The following AGPAT1 variants were observed in gnomAD, a reference collection of about 807,000 sequenced individuals.
AGPAT1 encodes the protein 1-acyl-sn-glycerol-3-phosphate acyltransferase alpha.
A neutral mutation model predicts 31.2 loss-of-function variants in AGPAT1; 6 were observed. That is an observed-to-expected ratio of 0.19 (90% CI 0.11 to 0.38). AGPAT1 has a LOEUF of 0.38. AGPAT1 is among the 10% of genes least tolerant of loss of function. The pLI, the probability that AGPAT1 is intolerant of heterozygous loss-of-function variation, is 1.00. For synonymous variants in AGPAT1, 139 were observed against 154.0 expected (o/e 0.90, Z 0.72); for missense variants, 187 against 377.8 (o/e 0.49, Z 4.19).
rs905992565 is a variant in AGPAT1 at position 32,176,065 on chromosome 6, C to T, written c.-261G>A. The T allele has an allele frequency of 1.4e-6, 1 of 731,412 alleles. No individual in the cohort carries two copies. The highest frequency in any genetic ancestry group is 6.3e-5 in the South Asian group (1 of 15,760). The allele number at this position is 731,412 out of a possible 1,614,324, so 45.3% of individuals were successfully genotyped here. The stretch of plus-strand genomic sequence containing the variant: ...TCCCTTTCTGCTGTCTCTCTGAGGG[C>T]TGGGGCTGCTGCCGCCGCTATTCCC... On this transcript the variant is annotated 5_prime_UTR_variant, in exon 1 of 7. Coordinates refer to ENST00000375107, the MANE Select transcript of AGPAT1 (RefSeq NM_006411.4).
Position 32,173,037 on chromosome 6 carries a change from T to A in AGPAT1, c.-9-1532A>T, listed in dbSNP as rs1053969085. 2.6e-5 allele frequency: 4 copies of A among 152,064 alleles called. No homozygotes were observed. Among genetic ancestry groups the A allele is most frequent in the Non-Finnish European group, 4.4e-5 (3 of 68,016 alleles). The allele number at this position is 152,064 out of a possible 1,614,324, so 9.4% of individuals were successfully genotyped here. The stretch of plus-strand genomic sequence containing the variant: ...TGACACTTTGCGTGGGCAGGTACAG[T>A]GTGTGAGGCCTCACCAAGTGAAAAA... On this transcript the variant is annotated intron_variant, in intron 1 of 6. Transcript: ENST00000375107. The surrounding 1 kb of genome is among the most constrained non-coding windows in gnomAD (Gnocchi z 4.7).
rs1784996389 is a variant in AGPAT1 at position 32,170,555 on chromosome 6, C to T, written c.380G>A (p.Arg127His). ...GGCAGAGCCAGCCCACAGTAGCTCG[C>T]GCTTGGCAATGGGCACACAGCGGCC... ...LPGRCVPIAK[R>H]ELLWAGSAGL... Residue 127 changes from arginine (R) to histidine (H), a missense_variant, in exon 4 of 7, where the codon CGC becomes CAC. By Grantham distance (29) the Arg-to-His change is conservative. Coordinates refer to ENST00000375107, the MANE Select transcript of AGPAT1 (RefSeq NM_006411.4). The surrounding 1 kb of genome is among the most constrained non-coding windows in gnomAD (Gnocchi z 7.7). 8 of 1,612,832 alleles carry T rather than the reference C, an allele frequency of 5.0e-6. No homozygotes were observed. Among genetic ancestry groups the T allele is most frequent in the Non-Finnish European group, 6.8e-6 (8 of 1,180,032 alleles).
chr6:32,170,260 C>A lies in AGPAT1; in HGVS notation c.511G>T (p.Val171Leu), dbSNP rs777508622. ...EVAQTLLTQDVRVWVFPEGTR... is the reference protein window; with the variant it reads ...EVAQTLLTQDLRVWVFPEGTR... ...CCCTCAGGAAACACCCAGACCCTCA[C>A]CTGGGGGAGAAAGAGGGTCAAAGAA... is the stretch of plus-strand genomic sequence containing the variant. The change falls in exon 5 of 7, where the codon GTG (valine) becomes TTG (leucine). Residue 171 changes from valine (V) to leucine (L), a missense_variant and splice_region_variant. Around this residue, in one of 3 missense-constraint regions of AGPAT1, gnomAD observed 113 missense variants for 283.1 expected, o/e 0.40. Transcript: ENST00000375107. The surrounding 1 kb of genome is among the most constrained non-coding windows in gnomAD (Gnocchi z 7.7). 5.6e-6 allele frequency: 9 copies of A among 1,612,866 alleles called. No individual in the cohort carries two copies. The East Asian group carries it at 8.9e-5, about 16-fold the overall frequency.
rs1374739313 is a variant in AGPAT1, at chr6:32,169,180, CAAGG to C, written c.*92_*95del. The C allele has an allele frequency of 3.8e-6, 5 of 1,327,216 alleles. No homozygotes were observed. In the African/African-American group the frequency reaches 5.9e-5, roughly 16 times the overall value. The allele number at this position is 1,327,216 out of a possible 1,614,324, so 82.2% of individuals were successfully genotyped here. A position where few individuals can be genotyped will look rare whatever the true frequency, so the allele number is the denominator to read the frequency against. ...GGAGAATAAGTGGGGAGAGGGGAGA[CAAGG>C]AAGAGGGTTTGGCCCTGCTTCAGGG... is the stretch of plus-strand genomic sequence containing the variant. On this transcript the variant is annotated 3_prime_UTR_variant, in exon 7 of 7. Transcript: ENST00000375107. The surrounding 1 kb of genome is among the most constrained non-coding windows in gnomAD (Gnocchi z 5.9).
upstream of AGPAT1, among the ~76,000 whole-genome samples, chr6:32,176,345 A>G (rs1785555847): frequency 6.6e-6 from 1 of 151,414 alleles, no homozygotes; most frequent in African/African-American, 2.4e-5. Context: ...CTCCTTCCGC[A>G]CATTCCTTCC....
chr6:32,176,829 T>G (rs1785600150), upstream of AGPAT1: 1 of 394,038 alleles, frequency 2.5e-6, no homozygotes, highest in Non-Finnish European at 4.5e-6. Flanking sequence ...ACATCTTTTC[T>G]TCCAATGGAA....
In AGPAT1 at chr6:32,171,818, T is replaced by C. The variant is rs1785133068; in HGVS notation, c.-9-313A>G. 1.2e-5 allele frequency: 6 copies of C among 520,402 alleles called. No homozygotes were observed. Among genetic ancestry groups the C allele is most frequent in the African/African-American group, 1.9e-5 (1 of 52,594 alleles). The allele number at this position is 520,402 out of a possible 1,614,324, so 32.2% of individuals were successfully genotyped here. A position where few individuals can be genotyped will look rare whatever the true frequency, so the allele number is the denominator to read the frequency against. On this transcript the variant is annotated intron_variant, in intron 1 of 6. Transcript: ENST00000375107. This position sits in a 1 kb window ranked among gnomAD's most constrained non-coding sequence, Gnocchi z 6.9. The stretch of plus-strand genomic sequence containing the variant: ...GACAACAAGAATAATAGCTAACACT[T>C]GTAGCTGGTAAGGGTCTTATAATGG...
rs1785524590 is a variant in AGPAT1 at position 32,176,073 on chromosome 6, G to A, written c.-269C>T. On this transcript the variant is annotated 5_prime_UTR_variant, in exon 1 of 7. Coordinates refer to ENST00000375107, the MANE Select transcript of AGPAT1 (RefSeq NM_006411.4). ...TGCTGTCTCTCTGAGGGCTGGGGCT[G>A]CTGCCGCCGCTATTCCCCCGCCACC... 9.1e-6 allele frequency: 9 copies of A among 984,974 alleles called. No individual in the cohort carries two copies. Among genetic ancestry groups the A allele is most frequent in the Non-Finnish European group, 9.6e-6 (8 of 829,824 alleles). The allele number at this position is 984,974 out of a possible 1,614,324, so 61.0% of individuals were successfully genotyped here. A position where few individuals can be genotyped will look rare whatever the true frequency, so the allele number is the denominator to read the frequency against.
rs541114057 is a variant in AGPAT1 at position 32,169,099 on chromosome 6, G to C, written c.*177C>G. 2.8e-5 allele frequency: 19 copies of C among 679,462 alleles called. No individual in the cohort carries two copies. The African/African-American group carries it at 3.1e-4, about 11-fold the overall frequency. The allele number at this position is 679,462 out of a possible 1,614,324, so 42.1% of individuals were successfully genotyped here. A position where few individuals can be genotyped will look rare whatever the true frequency, so the allele number is the denominator to read the frequency against. On this transcript the variant is annotated 3_prime_UTR_variant, in exon 7 of 7. Transcript: ENST00000375107. This position sits in a 1 kb window ranked among gnomAD's most constrained non-coding sequence, Gnocchi z 5.9. ...CAAGAGTCCATGGATGGGGCCAAGA[G>C]GGGGCAGGAGTGGCGCTGTATCCAC...
In AGPAT1 at chr6:32,170,335, C is replaced by A; in HGVS notation, c.511-75G>T. On this transcript the variant is annotated intron_variant, in intron 4 of 6. Coordinates refer to ENST00000375107, the MANE Select transcript of AGPAT1 (RefSeq NM_006411.4). This position sits in a 1 kb window ranked among gnomAD's most constrained non-coding sequence, Gnocchi z 7.7. Reference sequence around the variant, plus strand: ...AATAGGTGTGATGTTATAATGGGACCTTTGAGGCCCACTGGCCCTGCATAT... The same window carrying A: ...AATAGGTGTGATGTTATAATGGGACATTTGAGGCCCACTGGCCCTGCATAT... The A allele has an allele frequency of 6.2e-7, 1 of 1,605,878 alleles. No homozygotes were observed. Among genetic ancestry groups the A allele is most frequent in the Non-Finnish European group, 8.5e-7 (1 of 1,173,294 alleles).
In AGPAT1 at chr6:32,169,502, G is replaced by A. The variant is rs765645740; in HGVS notation, c.680-54C>T. On this transcript the variant is annotated intron_variant, in intron 6 of 6. Transcript: ENST00000375107. The surrounding 1 kb of genome is among the most constrained non-coding windows in gnomAD (Gnocchi z 5.9). ...TGTCCACCCAGGTCTTTGCCCACAG[G>A]TGGGGCCCAGCTTCCGAGTGATACT... 243 of 1,590,172 alleles carry A rather than the reference G, an allele frequency of 1.5e-4. No homozygotes were observed. The highest frequency in any genetic ancestry group is 2.0e-4 in the Non-Finnish European group (237 of 1,164,788).
In AGPAT1 at chr6:32,175,933, A is replaced by T; in HGVS notation, c.-129T>A. Reference sequence around the variant, plus strand: ...GTGTCGGTGCCAAGGGGGCGACGGGATTTGGGGGTGTCCTAGCCCCGGCCG... The same window carrying T: ...GTGTCGGTGCCAAGGGGGCGACGGGTTTTGGGGGTGTCCTAGCCCCGGCCG... On this transcript the variant is annotated 5_prime_UTR_variant, in exon 1 of 7. Transcript: ENST00000375107. The surrounding 1 kb of genome is among the most constrained non-coding windows in gnomAD (Gnocchi z 4.5). The T allele has an allele frequency of 2.0e-6, 2 of 985,396 alleles. No homozygotes were observed. Among genetic ancestry groups the T allele is most frequent in the South Asian group, 9.4e-5 (2 of 21,324 alleles). 61.0% of individuals were successfully genotyped at this position (985,396 alleles called of 1,614,324 possible).
At position 32,170,457 on chromosome 6, in the gene AGPAT1, A is replaced by T; in HGVS notation, c.478T>A (p.Ser160Thr). Residue 160 changes from serine (S) to threonine (T), a missense_variant, in exon 4 of 7, where the codon TCT becomes ACT. Physicochemically the swap from Ser to Thr is moderately conservative, Grantham distance 58. Coordinates refer to ENST00000375107, the MANE Select transcript of AGPAT1 (RefSeq NM_006411.4). The surrounding 1 kb of genome is among the most constrained non-coding windows in gnomAD (Gnocchi z 7.7). ...KRTGDAISVM[S>T]EVAQTLLTQD... Reference sequence around the variant, plus strand: ...GTGAGCAGGGTCTGGGCGACCTCAGACATGACACTGATGGCATCCCCCGTG... The same window carrying T: ...GTGAGCAGGGTCTGGGCGACCTCAGTCATGACACTGATGGCATCCCCCGTG... 6.2e-7 allele frequency: 1 copy of T among 1,613,174 alleles called. No homozygotes were observed. Among genetic ancestry groups the T allele is most frequent in the Non-Finnish European group, 8.5e-7 (1 of 1,180,026 alleles).
At chr6:32,177,200 T>C, upstream of AGPAT1, 1 of 398,178 alleles carries the variant, frequency 2.5e-6, no homozygotes. Flanking sequence ...TTACATGCCC[T>C]CGGGAAGAGG....
chr6:32,174,881 A>G lies in AGPAT1; in HGVS notation c.-10+933T>C, dbSNP rs566926027. 4.6e-5 allele frequency among the ~76,000 whole-genome samples: 7 copies of G among 152,344 alleles called. No individual in the cohort carries two copies. The highest frequency in any genetic ancestry group is 1.7e-4 in the African/African-American group (7 of 41,574). On this transcript the variant is annotated intron_variant, in intron 1 of 6. Coordinates refer to ENST00000375107, the MANE Select transcript of AGPAT1 (RefSeq NM_006411.4). This position sits in a 1 kb window ranked among gnomAD's most constrained non-coding sequence, Gnocchi z 4.5. ...ACACATTCTATGGTCCTGTTACATC[A>G]GTGTATCATGCAAAGGCGCATACAC...
rs1330006904 is a variant in AGPAT1, at chr6:32,171,017, T to C, written c.254A>G (p.Glu85Gly). ...AGGGAAGTGGTGAGCCCCTCGCACC[T>C]CCACTCGGATCCCGTACAGGTATTT... is the stretch of plus-strand genomic sequence containing the variant. The part of the protein sequence containing the change: ...HIKYLYGIRV[E>G]VRGAHHFPPS... The change falls in exon 3 of 7, where the codon GAG becomes GGG. Residue 85 changes from glutamate (E) to glycine (G), a missense_variant. Glu to Gly is a moderately conservative substitution (Grantham distance 98, BLOSUM62 -2). Around this residue, in one of 3 missense-constraint regions of AGPAT1, gnomAD observed 113 missense variants for 283.1 expected, o/e 0.40. Coordinates refer to ENST00000375107, the MANE Select transcript of AGPAT1 (RefSeq NM_006411.4). This position sits in a 1 kb window ranked among gnomAD's most constrained non-coding sequence, Gnocchi z 6.9. 6.2e-7 allele frequency: 1 copy of C among 1,612,610 alleles called. No individual in the cohort carries two copies. Among genetic ancestry groups the C allele is most frequent in the Non-Finnish European group, 8.5e-7 (1 of 1,179,948 alleles).
At position 32,173,305 on chromosome 6, in the gene AGPAT1, C is replaced by A. The variant is rs1785259644; in HGVS notation, c.-9-1800G>T. Among the ~76,000 whole-genome samples the A allele has an allele frequency of 6.6e-6, 1 of 152,172 alleles. No homozygotes were observed. Among genetic ancestry groups the A allele is most frequent in the Non-Finnish European group, 1.5e-5 (1 of 68,028 alleles). The stretch of plus-strand genomic sequence containing the variant: ...GGGAAGGGCTATGCTCAAAGGTAAG[C>A]CTATTGCCAAGCGAGAAGGTAACAG... On this transcript the variant is annotated intron_variant, in intron 1 of 6. Transcript: ENST00000375107. The surrounding 1 kb of genome is among the most constrained non-coding windows in gnomAD (Gnocchi z 4.7).
rs978668902 is a variant in AGPAT1 at position 32,175,249 on chromosome 6, T to A, written c.-10+565A>T. ...ATTCTGATAGAAAATAACACACCAT[T>A]TCTACACAGCCTATGGATAGCATTG... On this transcript the variant is annotated intron_variant, in intron 1 of 6. Transcript: ENST00000375107. This position sits in a 1 kb window ranked among gnomAD's most constrained non-coding sequence, Gnocchi z 4.5. Among the ~76,000 whole-genome samples the A allele has an allele frequency of 2.0e-5, 3 of 152,000 alleles. No homozygotes were observed. Among genetic ancestry groups the A allele is most frequent in the Non-Finnish European group, 4.4e-5 (3 of 67,980 alleles).
chr6:32,171,236 A>C lies in AGPAT1; in HGVS notation c.200+61T>G. 1 of 1,611,496 alleles carries C rather than the reference A, an allele frequency of 6.2e-7. No individual in the cohort carries two copies. The highest frequency in any genetic ancestry group is 1.3e-5 in the African/African-American group (1 of 74,908). On this transcript the variant is annotated intron_variant, in intron 2 of 6. Coordinates refer to ENST00000375107, the MANE Select transcript of AGPAT1 (RefSeq NM_006411.4). The surrounding 1 kb of genome is among the most constrained non-coding windows in gnomAD (Gnocchi z 6.9). The stretch of plus-strand genomic sequence containing the variant: ...TACACACACCATGCCCCCTTCCCCC[A>C]ATCCACTACTCACTTTGTACCCTTA...
Sources: allele counts gnomAD v4.1 joint callset (sites outside exome capture counted in the v4.1 genomes callset), GRCh38; gene constraint gnomAD v4.1.1; regional missense constraint gnomAD v4.1.1; non-coding constraint Gnocchi (gnomAD v3.1); transcripts MANE v1.5; gene names NCBI Gene and HGNC (gene_info 2026-07-23, HGNC 2026-07-21).